Variants in SLC35F4 observed in about 807,000 individuals in gnomAD.
SLC35F4 encodes chromosome 14 open reading frame 36.
A neutral mutation model predicts 44.2 loss-of-function variants in SLC35F4; 24 were observed. The ratio of observed to expected loss-of-function variants is 0.54; its 90% CI spans 0.39 to 0.76. The LOEUF (loss-of-function observed/expected upper bound fraction) is 0.76, where lower values mean the gene tolerates loss of function less well. SLC35F4 is among the 30% of genes least tolerant of loss of function. The probability of loss-of-function intolerance (pLI) is 0.00; values close to 1 mark genes in which losing one functional copy is unlikely to be tolerated. For synonymous variants in SLC35F4, 238 were observed against 223.6 expected (o/e 1.06, Z -0.57); for missense variants, 562 against 586.1 (o/e 0.96, Z 0.42).
chr14:57,857,206 G>A (rs911695023), intron 1 of SLC35F4, among the ~76,000 whole-genome samples: 1 of 151,858 alleles, frequency 6.6e-6, no homozygotes, highest in Non-Finnish European at 1.5e-5. Context: ...GAACCTGGGA[G>A]GCGGAGGTTG....
At chr14:57,853,483 G>T (rs1310618579) in intron 1 of SLC35F4, among the ~76,000 whole-genome samples, 1 of 152,104 alleles carries the variant, frequency 6.6e-6, no homozygotes, top group African/African-American at 2.4e-5. Context: ...TACAGGAGAG[G>T]GCCTCTGGCA....
chr14:57,608,627 T>G (rs908772387), intron 1 of SLC35F4, among the ~76,000 whole-genome samples: 15 of 152,134 alleles, frequency 9.9e-5, no homozygotes, highest in Admixed American at 9.8e-4. Flanking sequence ...TGTGGAACTT[T>G]GTTACAGCAG....
At chr14:57,828,708 C>T (rs920715365) in intron 1 of SLC35F4, among the ~76,000 whole-genome samples, 3 of 152,148 alleles carry the variant, frequency 2.0e-5, no homozygotes, top group East Asian at 1.9e-4. Flanking sequence ...TCATTCCACA[C>T]GTGGCTGGTG....
intron 1 of SLC35F4, among the ~76,000 whole-genome samples, chr14:57,806,925 T>A (rs1881395366): frequency 6.6e-6 from 1 of 152,216 alleles, no homozygotes; most frequent in African/African-American, 2.4e-5. Context: ...ATAACTATTG[T>A]TAAACATTCT....
intron 1 of SLC35F4, among the ~76,000 whole-genome samples, chr14:57,784,696 C>G (rs1343179069): frequency 6.6e-6 from 1 of 152,060 alleles, no homozygotes; most frequent in African/African-American, 2.4e-5. Context: ...AAACAAGAAA[C>G]ATTTTTAGGG....
intron 1 of SLC35F4, among the ~76,000 whole-genome samples, chr14:57,753,827 G>A (rs2076937793): frequency 6.6e-6 from 1 of 152,040 alleles, no homozygotes; most frequent in East Asian, 1.9e-4. Flanking sequence ...CTCCACCCAG[G>A]GTAGCTTCCT....
At chr14:57,832,396 A>T (rs911162593) in intron 1 of SLC35F4, among the ~76,000 whole-genome samples, 8 of 152,186 alleles carry the variant, frequency 5.3e-5, no homozygotes, top group Non-Finnish European at 7.3e-5. Flanking sequence ...TAATACATAG[A>T]AGAAGAATAT....
intron 1 of SLC35F4, among the ~76,000 whole-genome samples, chr14:57,775,295 C>G (rs1044792888): frequency 6.6e-6 from 1 of 152,228 alleles, no homozygotes; most frequent in African/African-American, 2.4e-5. Context: ...TAAGTGTGCA[C>G]CTCACCACAC....
intron 1 of SLC35F4, among the ~76,000 whole-genome samples, chr14:57,850,416 GT>G (rs1193894682): frequency 7.2e-5 from 11 of 152,110 alleles, no homozygotes; most frequent in Non-Finnish European, 1.3e-4. Flanking sequence ...CAAGAATTTT[GT>G]TTTTAATCAA....
intron 1 of SLC35F4, among the ~76,000 whole-genome samples, chr14:57,807,439 T>A (rs1200018692): frequency 6.6e-6 from 1 of 152,006 alleles, no homozygotes; most frequent in African/African-American, 2.4e-5. Flanking sequence ...AGGCAATTTT[T>A]GGCCCCATCT....
At position 57,937,577 on chromosome 14, in the gene SLC35F4, A is replaced by AAG. The variant is rs1330509959; in HGVS notation, n.282+44335_282+44336insCT. Reference sequence around the variant, plus strand: ...AAGGAAAGAAAAGAAAAGAAAAGAGAAAAGAAAAGAAAGAAAAGAAAAGAA... The same window carrying AAG: ...AAGGAAAGAAAAGAAAAGAAAAGAGAAGAAAGAAAAGAAAGAAAAGAAAAGAA... On this transcript the variant is annotated intron_variant and non_coding_transcript_variant, in intron 1 of 1. Transcript: ENST00000556568. 6.1e-3 allele frequency among the ~76,000 whole-genome samples: 753 copies of AAG among 124,082 alleles called. 14 individuals are homozygous for AAG. Among genetic ancestry groups the AAG allele is most frequent in the African/African-American group, 0.019 (653 of 34,266 alleles). The allele number at this position is 124,082 out of a possible 152,430, so 81.4% of individuals were successfully genotyped here.
intron 1 of SLC35F4, among the ~76,000 whole-genome samples, chr14:57,755,299 G>A (rs182781170): frequency 7.2e-5 from 11 of 152,290 alleles, no homozygotes; most frequent in African/African-American, 2.4e-4. Context: ...ACAATGCAGG[G>A]TGAATCTGAG....
intron 1 of SLC35F4, among the ~76,000 whole-genome samples, chr14:57,958,984 C>T (rs772300769): frequency 3.9e-4 from 59 of 152,184 alleles, no homozygotes; most frequent in Non-Finnish European, 7.4e-5. Flanking sequence ...AAAAACAAAG[C>T]CAGAGGTGCA....
chr14:57,978,092 C>T (rs972767328), intron 1 of SLC35F4, among the ~76,000 whole-genome samples: 7 of 152,046 alleles, frequency 4.6e-5, no homozygotes, highest in Non-Finnish European at 7.4e-5. Context: ...CATCAGTGGG[C>T]GCCATTCTGA....
intron 1 of SLC35F4, among the ~76,000 whole-genome samples, chr14:57,674,630 A>G (rs746793868): frequency 6.6e-6 from 1 of 152,158 alleles, no homozygotes; most frequent in Non-Finnish European, 1.5e-5. Context: ...GAACTGTGAG[A>G]GGTCTGAGAT....
chr14:57,961,558 G>T (rs1276348927), intron 1 of SLC35F4, among the ~76,000 whole-genome samples: 3 of 152,124 alleles, frequency 2.0e-5, no homozygotes, highest in African/African-American at 4.8e-5. Flanking sequence ...GAATGTGATT[G>T]GGTCCCTTAA....
intron 1 of SLC35F4, among the ~76,000 whole-genome samples, chr14:57,664,261 G>T (rs896127732): frequency 6.6e-6 from 1 of 152,058 alleles, no homozygotes; most frequent in African/African-American, 2.4e-5. Context: ...GAATGACTGT[G>T]CCCAAACTAT....
chr14:57,789,957 A>G (rs1216188733), intron 1 of SLC35F4, among the ~76,000 whole-genome samples: 1 of 152,194 alleles, frequency 6.6e-6, no homozygotes, highest in Non-Finnish European at 1.5e-5. Flanking sequence ...GCTTCATGCT[A>G]AAACACTCAA....
intron 1 of SLC35F4, among the ~76,000 whole-genome samples, chr14:57,878,092 T>C (rs899672069): frequency 6.6e-6 from 1 of 152,174 alleles, no homozygotes; most frequent in African/African-American, 2.4e-5. Context: ...TTTTTTCATA[T>C]GCTTGTTGGC....
Sources: gnomAD v4.1 joint callset for allele counts (sites outside exome capture counted in the v4.1 genomes callset) on GRCh38, gnomAD v4.1.1 for gene constraint, MANE v1.5 for transcripts, NCBI Gene and HGNC (gene_info 2026-07-23, HGNC 2026-07-21) for gene names.